The following BUD31 variants were observed in gnomAD, a reference collection of about 807,000 sequenced individuals.
BUD31 encodes BUD31 spliceosome associated protein.
Under a neutral mutation model 17.9 loss-of-function variants are expected in BUD31, and 9 were observed. That is an observed-to-expected ratio of 0.50 (90% CI 0.30 to 0.88). The LOEUF (loss-of-function observed/expected upper bound fraction) is 0.88. BUD31 is among the 40% of genes least tolerant of loss of function. BUD31 has a pLI of 0.06. For synonymous variants in BUD31, 70 were observed against 64.7 expected (o/e 1.08, Z -0.39); for missense variants, 148 against 184.5 (o/e 0.80, Z 1.15).
Position 99,419,415 on chromosome 7 carries a change from T to TGTGGCTGTC in BUD31, c.417_425dup (p.Arg140_Cys142dup). ...GGGCCGCATCATCGAGTGCACACAC[T>TGTGGCTGTC]GTGGCTGTCGTGGCTGCTCTGGCTG... On this transcript the variant is annotated inframe_insertion, in exon 6 of 6. Transcript: ENST00000222969. 6.2e-7 allele frequency: 1 copy of TGTGGCTGTC among 1,613,150 alleles called. No homozygotes were observed. The highest frequency in any genetic ancestry group is 1.6e-4 in the Middle Eastern group (1 of 6,062).
chr7:99,416,185 C>G lies in BUD31; in HGVS notation c.142C>G (p.Pro48Ala), dbSNP rs1795443115. ...EGKRKVESLW[P>A]IFRIHHQKTR... The stretch of plus-strand genomic sequence containing the variant: ...AAAGAGGAAAGTGGAATCTCTGTGG[C>G]CCATCTTCAGGATCCACCACCAGAA... The change falls in exon 4 of 6, where the codon CCC becomes GCC. Residue 48 changes from proline to alanine, a missense_variant. Physicochemically the swap from Pro to Ala is conservative, Grantham distance 27 (BLOSUM62 -1). Transcript: ENST00000222969. 1 of 1,613,876 alleles carries G rather than the reference C, an allele frequency of 6.2e-7. No individual in the cohort carries two copies. The highest frequency in any genetic ancestry group is 8.5e-7 in the Non-Finnish European group (1 of 1,179,902).
chr7:99,418,087 C>T (rs1229687497), intron 5 of BUD31: 3 of 696,490 alleles, frequency 4.3e-6, no homozygotes, highest in Non-Finnish European at 3.7e-6. Flanking sequence ...CCTGCCTCAT[C>T]CTCCTGAGTA....
chr7:99,414,485 C>G (rs1795310679), intron 3 of BUD31, among the ~76,000 whole-genome samples: 1 of 152,148 alleles, frequency 6.6e-6, no homozygotes, highest in African/African-American at 2.4e-5. Context: ...GTTAAATTAT[C>G]CAATTAAGGG....
chr7:99,419,547 G>A lies in BUD31; in HGVS notation c.*106G>A, dbSNP rs1222321807. 8.6e-6 allele frequency: 11 copies of A among 1,284,906 alleles called. No homozygotes were observed. The highest frequency in any genetic ancestry group is 1.2e-5 in the South Asian group (1 of 83,548). 79.6% of individuals were successfully genotyped at this position (1,284,906 alleles called of 1,614,324 possible). Reference sequence around the variant, plus strand: ...GTGCCCCAGGCCCGAGTTGGAGCACGGTCTCTATGGGGAAGGCTTCGCTGT... The same window carrying A: ...GTGCCCCAGGCCCGAGTTGGAGCACAGTCTCTATGGGGAAGGCTTCGCTGT... On this transcript the variant is annotated 3_prime_UTR_variant, in exon 6 of 6. Coordinates refer to ENST00000222969, the MANE Select transcript of BUD31 (RefSeq NM_003910.4).
intron 3 of BUD31, among the ~76,000 whole-genome samples, chr7:99,412,793 TTG>T (rs1169705573): frequency 2.7e-5 from 4 of 150,576 alleles, no homozygotes; most frequent in African/African-American, 9.9e-5. Flanking sequence ...TTTTTTTTTT[TTG>T]TATTTTTAGT....
chr7:99,414,232 C>T (rs937700394), intron 3 of BUD31, among the ~76,000 whole-genome samples: 11 of 151,634 alleles, frequency 7.3e-5, no homozygotes, highest in Admixed American at 3.9e-4. Context: ...CTGTACCTCC[C>T]GAGTTCAGGC....
At chr7:99,410,627 G>C (rs909695332) in intron 2 of BUD31, among the ~76,000 whole-genome samples, 2 of 151,958 alleles carry the variant, frequency 1.3e-5, no homozygotes, top group Non-Finnish European at 2.9e-5. Flanking sequence ...TTTTTCTCTT[G>C]TCTGTCTCTT....
intron 3 of BUD31, among the ~76,000 whole-genome samples, chr7:99,415,622 G>T (rs1218887088): frequency 6.6e-6 from 1 of 152,084 alleles, no homozygotes; most frequent in Non-Finnish European, 1.5e-5. Context: ...TAAGTAGCGG[G>T]TGTTTTTCCT....
At chr7:99,419,332 G>C in intron 5 of BUD31, 59 bp from the exon 6 acceptor site, 2 of 1,593,184 alleles carry the variant, frequency 1.3e-6, no homozygotes, top group Non-Finnish European at 8.6e-7. Flanking sequence ...CCACATATGT[G>C]AGTGTGCAGG....
chr7:99,415,933 A>G (rs1388464629), intron 3 of BUD31, among the ~76,000 whole-genome samples: 2 of 151,158 alleles, frequency 1.3e-5, no homozygotes, highest in African/African-American at 4.9e-5. Flanking sequence ...TATATCTAGT[A>G]TAACTATTCT....
At chr7:99,414,146 AT>A (rs578216416) in intron 3 of BUD31, among the ~76,000 whole-genome samples, 35 of 147,408 alleles carry the variant, frequency 2.4e-4, no homozygotes, top group East Asian at 1.2e-3. Flanking sequence ...TTATTTTTTT[AT>A]TTTTTTTTTT....
intron 3 of BUD31, among the ~76,000 whole-genome samples, chr7:99,412,511 C>T (rs905215497): frequency 2.0e-5 from 3 of 152,350 alleles, no homozygotes; most frequent in Non-Finnish European, 4.4e-5. Context: ...TCACTGAAGC[C>T]TCCACCTCCC....
intron 3 of BUD31, among the ~76,000 whole-genome samples, chr7:99,414,297 G>T (rs1795301608): frequency 6.6e-6 from 1 of 151,990 alleles, no homozygotes; most frequent in Non-Finnish European, 1.5e-5. Context: ...GCACTACCAC[G>T]CCCGGCTAAT....
At chr7:99,417,618 G>A (rs767557296) in intron 5 of BUD31, 23 bp downstream of exon 5, 2 of 1,608,146 alleles carry the variant, frequency 1.2e-6, no homozygotes, top group Non-Finnish European at 1.7e-6. Context: ...ACTCAAGCTT[G>A]GTGTTGTTTT....
intron 3 of BUD31, among the ~76,000 whole-genome samples, chr7:99,412,912 C>T (rs1160719223): frequency 1.3e-5 from 2 of 152,012 alleles, no homozygotes; most frequent in Non-Finnish European, 2.9e-5. Context: ...TGAGCCACCG[C>T]GCCCGACCAA....
intron 3 of BUD31, among the ~76,000 whole-genome samples, chr7:99,412,949 G>T (rs1393437127): frequency 6.6e-6 from 1 of 151,992 alleles, no homozygotes; most frequent in Non-Finnish European, 1.5e-5. Context: ...TGTAGAGATG[G>T]GGGTGTGTTA....
In BUD31 at chr7:99,410,641, TA is replaced by T. The variant is rs1168682749; in HGVS notation, c.-29-419del. 3.3e-5 allele frequency among the ~76,000 whole-genome samples: 5 copies of T among 152,206 alleles called. 1 individual carries two copies. Among genetic ancestry groups the T allele is most frequent in the Non-Finnish European group, 1.5e-5 (1 of 68,040 alleles). On this transcript the variant is annotated intron_variant, in intron 2 of 5. Transcript: ENST00000222969. ...CTTTTTCTCTTGTCTGTCTCTTTGCTAAAATGTCACCTTCTAAGGGGCAAAG... is the reference window on the plus strand; with the variant it reads ...CTTTTTCTCTTGTCTGTCTCTTTGCTAAATGTCACCTTCTAAGGGGCAAAG...
chr7:99,410,125 G>C lies in BUD31; in HGVS notation c.-74G>C, dbSNP rs538348305. 6.6e-6 allele frequency: 1 copy of C among 152,134 alleles called. No individual in the cohort carries two copies. Among genetic ancestry groups the C allele is most frequent in the African/African-American group, 2.4e-5 (1 of 41,442 alleles). 9.4% of individuals were successfully genotyped at this position (152,134 alleles called of 1,614,324 possible). ...AATCCAAGCCTGCAACTGCAGAGAC[G>C]AGAGATCTTTCTGCTGTCTATACTC... is the stretch of plus-strand genomic sequence containing the variant. On this transcript the variant is annotated 5_prime_UTR_variant, in exon 2 of 6. Coordinates refer to ENST00000222969, the MANE Select transcript of BUD31 (RefSeq NM_003910.4).
chr7:99,411,654 A>G, intron 3 of BUD31: 1 of 454,264 alleles, frequency 2.2e-6, no homozygotes, highest in Admixed American at 2.4e-5. Flanking sequence ...CTGAAGCCAC[A>G]AGCATCTGTT....
Sources: allele counts gnomAD v4.1 joint callset (sites outside exome capture counted in the v4.1 genomes callset), GRCh38; gene constraint gnomAD v4.1.1; transcripts MANE v1.5; gene names NCBI Gene and HGNC (gene_info 2026-07-23, HGNC 2026-07-21).